The following MSRA variants were observed in gnomAD, a reference collection of about 807,000 sequenced individuals.
The protein encoded by MSRA is mitochondrial peptide methionine sulfoxide reductase.
A neutral mutation model predicts 31.3 loss-of-function variants in MSRA; 54 were observed. That is an observed-to-expected ratio of 1.73 (90% CI 1.39 to 2.17). The LOEUF (loss-of-function observed/expected upper bound fraction) is 2.17. Among genes scored for constraint, MSRA ranks in the 30% most tolerant of loss-of-function variants. The pLI, the probability that MSRA is intolerant of heterozygous loss-of-function variation, is 0.00. For missense variants in MSRA, 507 were observed against 300.9 expected (o/e 1.69, Z -5.07); for synonymous variants, 169 against 116.5 (o/e 1.45, Z -2.90).
chr8:10,066,057 C>A (rs866376261), intron 1 of MSRA, among the ~76,000 whole-genome samples: 1 of 151,744 alleles, frequency 6.6e-6, no homozygotes, highest in Non-Finnish European at 1.5e-5. Flanking sequence ...GAGTCTTGCT[C>A]TGTCGGCCAG....
At chr8:10,285,198 A>G (rs909610695) in intron 3 of MSRA, among the ~76,000 whole-genome samples, 1 of 152,158 alleles carries the variant, frequency 6.6e-6, no homozygotes, top group Non-Finnish European at 1.5e-5. Flanking sequence ...ACCATTCACC[A>G]CCAATTCTGC....
chr8:10,181,223 C>A (rs565819391), intron 1 of MSRA, among the ~76,000 whole-genome samples: 1 of 152,212 alleles, frequency 6.6e-6, no homozygotes, highest in South Asian at 2.1e-4. Context: ...GAAGGCCTGG[C>A]AGGGAGCAGA....
intron 2 of MSRA, among the ~76,000 whole-genome samples, chr8:10,241,330 G>A (rs887917441): frequency 2.8e-4 from 42 of 152,200 alleles, no homozygotes; most frequent in Non-Finnish European, 1.0e-4. Context: ...CAACTGAGGA[G>A]AAGGAGCCAA....
chr8:10,330,482 G>A (rs7837316), intron 5 of MSRA, among the ~76,000 whole-genome samples: 47,169 of 151,776 alleles, frequency 0.31, 7,487 homozygotes, highest in East Asian at 0.4. Context: ...TTATTCTCCC[G>A]TCCCATGTTC....
chr8:10,064,412 C>G (rs186361356), intron 1 of MSRA, among the ~76,000 whole-genome samples: 24 of 151,636 alleles, frequency 1.6e-4, no homozygotes, highest in Non-Finnish European at 3.4e-4. Flanking sequence ...ATTTTGTATC[C>G]TTTCATGGAA....
At chr8:10,236,195 T>C (rs988320410) in intron 2 of MSRA, among the ~76,000 whole-genome samples, 1 of 152,156 alleles carries the variant, frequency 6.6e-6, no homozygotes, top group African/African-American at 2.4e-5. Context: ...CCCACTAATA[T>C]TAAGATGAGA....
intron 2 of MSRA, among the ~76,000 whole-genome samples, chr8:10,209,718 C>T (rs1809308145): frequency 1.3e-5 from 2 of 152,194 alleles, no homozygotes; most frequent in African/African-American, 2.4e-5. Context: ...GCCTCTGCAG[C>T]TCTAGGCCCT....
intron 3 of MSRA, among the ~76,000 whole-genome samples, chr8:10,271,248 A>G (rs574109349): frequency 6.6e-6 from 1 of 152,308 alleles, no homozygotes; most frequent in Non-Finnish European, 1.5e-5. Context: ...AGCAAGGGGA[A>G]TAGAGAAATG....
At chr8:10,211,505 C>T (rs551657741) in intron 2 of MSRA, among the ~76,000 whole-genome samples, 1 of 152,146 alleles carries the variant, frequency 6.6e-6, no homozygotes, top group Non-Finnish European at 1.5e-5. Context: ...TCAGTGGGAG[C>T]CCTCTGCTTG....
At chr8:10,386,316 C>T (rs1420284490) in intron 5 of MSRA, among the ~76,000 whole-genome samples, 2 of 152,046 alleles carry the variant, frequency 1.3e-5, no homozygotes, top group South Asian at 2.1e-4. Context: ...AGTTTCACAC[C>T]AGATAATTTT....
intron 5 of MSRA, among the ~76,000 whole-genome samples, chr8:10,324,712 T>C (rs1382155844): frequency 6.6e-6 from 1 of 152,050 alleles, no homozygotes; most frequent in Non-Finnish European, 1.5e-5. Flanking sequence ...TTCACTGAGA[T>C]GTGTGGTTCC....
intron 1 of MSRA, chr8:10,095,818 C>T (rs937614607): frequency 1.5e-5 from 18 of 1,239,578 alleles, no homozygotes; most frequent in Non-Finnish European, 3.0e-6. Context: ...GAAATAAAAG[C>T]CTTTTTCAAA....
At chr8:10,206,319 G>A (rs1808971828) in intron 1 of MSRA, among the ~76,000 whole-genome samples, 1 of 152,152 alleles carries the variant, frequency 6.6e-6, no homozygotes, top group South Asian at 2.1e-4. Context: ...TGCTAATTGT[G>A]CCAGTTAGTG....
chr8:10,110,167 C>G (rs1383727849), intron 1 of MSRA, among the ~76,000 whole-genome samples: 1 of 152,190 alleles, frequency 6.6e-6, no homozygotes, highest in East Asian at 1.9e-4. Flanking sequence ...TTTGTCCACG[C>G]TAACACCATC....
chr8:10,270,460 A>G (rs4486206), intron 3 of MSRA, among the ~76,000 whole-genome samples: 106,859 of 151,612 alleles, frequency 0.7, 38,382 homozygotes, highest in East Asian at 0.85. Flanking sequence ...TGTAATAGAA[A>G]TTCTAATCCA....
intron 4 of MSRA, among the ~76,000 whole-genome samples, chr8:10,318,718 T>G (rs1437170335): frequency 2.6e-5 from 4 of 152,192 alleles, no homozygotes; most frequent in Non-Finnish European, 2.9e-5. Context: ...TAGCCGTTCC[T>G]GGATGTTGGT....
chr8:10,215,003 AAAG>A (rs1809863129), intron 2 of MSRA, among the ~76,000 whole-genome samples: 1 of 152,216 alleles, frequency 6.6e-6, no homozygotes, highest in Non-Finnish European at 1.5e-5. Context: ...CTGGTCCAGA[AAAG>A]AACAAATTAT....
rs555941166 is a variant in MSRA at position 10,260,462 on chromosome 8, C to A, written c.331+15239C>A. Among the ~76,000 whole-genome samples the A allele has an allele frequency of 2.6e-5, 4 of 152,134 alleles. No homozygotes were observed. The East Asian group carries it at 7.7e-4, about 29-fold the overall frequency. The stretch of plus-strand genomic sequence containing the variant: ...AATACCCCACGACTCTAGCGGCACA[C>A]GTACACAAGCGAGGCAGCACGCAGA... On this transcript the variant is annotated intron_variant, in intron 3 of 5. Coordinates refer to ENST00000317173, the MANE Select transcript of MSRA (RefSeq NM_012331.5).
intron 2 of MSRA, among the ~76,000 whole-genome samples, chr8:10,214,796 A>C (rs181474345): frequency 6.6e-6 from 1 of 152,350 alleles, no homozygotes; most frequent in African/African-American, 2.4e-5. Context: ...TTGAGGGGGC[A>C]ATGGTCATTG....
Sources: gnomAD v4.1 joint callset for allele counts (sites outside exome capture counted in the v4.1 genomes callset) on GRCh38, gnomAD v4.1.1 for gene constraint, MANE v1.5 for transcripts, NCBI Gene and HGNC (gene_info 2026-07-23, HGNC 2026-07-21) for gene names.